FOXN3: variants seen among roughly 807,000 people sequenced by gnomAD.
FOXN3 encodes the protein forkhead box N3.
FOXN3 carries 7 observed loss-of-function variants against 38.4 expected under a neutral mutation model. The ratio of observed to expected loss-of-function variants is 0.18; its 90% CI spans 0.10 to 0.34. The LOEUF (loss-of-function observed/expected upper bound fraction) is 0.34, where lower values mean the gene tolerates loss of function less well. FOXN3 is among the 10% of genes least tolerant of loss of function. The probability of loss-of-function intolerance (pLI) is 1.00; values close to 1 mark genes in which losing one functional copy is unlikely to be tolerated. For synonymous variants in FOXN3, 230 were observed against 242.2 expected, an observed-to-expected ratio of 0.95 and a Z score of 0.47; for missense variants, 456 against 613.4, an observed-to-expected ratio of 0.74 and a Z score of 2.71.
At chr14:89,324,795 C>G (rs2139977327) in intron 3 of FOXN3, among the ~76,000 whole-genome samples, 1 of 152,276 alleles carries the variant, frequency 6.6e-6, no homozygotes, top group Non-Finnish European at 1.5e-5. Context: ...CTGGAAGTCT[C>G]TGGAAAGACA....
chr14:89,468,450 T>C (rs960524066), intron 1 of FOXN3, among the ~76,000 whole-genome samples: 3 of 149,672 alleles, frequency 2.0e-5, no homozygotes, highest in African/African-American at 7.4e-5. Context: ...GAAGGCTGTG[T>C]CTCAAAACAC....
chr14:89,609,263 G>A (rs533097237), intron 1 of FOXN3, among the ~76,000 whole-genome samples: 3 of 152,190 alleles, frequency 2.0e-5, no homozygotes, highest in Non-Finnish European at 2.9e-5. Flanking sequence ...GTGTAGTGGC[G>A]CAATCATGGC....
chr14:89,449,557 G>A (rs1317327380), intron 1 of FOXN3, among the ~76,000 whole-genome samples: 1 of 152,214 alleles, frequency 6.6e-6, no homozygotes, highest in Non-Finnish European at 1.5e-5. Flanking sequence ...AAGTTCTGAA[G>A]TCCATGTTTC....
intron 2 of FOXN3, among the ~76,000 whole-genome samples, chr14:89,394,445 G>C (rs1188019598): frequency 6.6e-6 from 1 of 152,024 alleles, no homozygotes; most frequent in Non-Finnish European, 1.5e-5. Context: ...GACCTCAGGT[G>C]ATCAGCCCAC....
chr14:89,209,056 G>A (rs1888455439), intron 4 of FOXN3, among the ~76,000 whole-genome samples: 1 of 152,136 alleles, frequency 6.6e-6, no homozygotes, highest in African/African-American at 2.4e-5. Flanking sequence ...TACCTTCCAC[G>A]GATATTTGGA....
At position 89,259,503 on chromosome 14, in the gene FOXN3, A is replaced by G. The variant is rs377293338; in HGVS notation, c.745+21447T>C. ...TATATTAATGTTATCCTCTAACTTTATCTTGGGTTTCTTGCCTTTATTTTC... is the reference window on the plus strand; with the variant it reads ...TATATTAATGTTATCCTCTAACTTTGTCTTGGGTTTCTTGCCTTTATTTTC... On this transcript the variant is annotated intron_variant, in intron 4 of 5. Transcript: ENST00000557258. Among the ~76,000 whole-genome samples, 4 of 152,338 alleles carry G rather than the reference A, an allele frequency of 2.6e-5. No individual in the cohort carries two copies. In the East Asian group the frequency reaches 7.7e-4, roughly 29 times the overall value.
chr14:89,360,738 AG>A (rs1889474246), intron 2 of FOXN3, among the ~76,000 whole-genome samples: 1 of 132,586 alleles, frequency 7.5e-6, no homozygotes, highest in South Asian at 2.5e-4. Context: ...CACCACCTCC[AG>A]CACCACCTCC....
chr14:89,467,496 C>A (rs909299080), intron 1 of FOXN3, among the ~76,000 whole-genome samples: 1 of 151,726 alleles, frequency 6.6e-6, no homozygotes. Flanking sequence ...CCACCTAATC[C>A]CCGACATAAA....
chr14:89,322,516 T>G (rs1411267101), intron 3 of FOXN3, among the ~76,000 whole-genome samples: 2 of 152,014 alleles, frequency 1.3e-5, no homozygotes, highest in Non-Finnish European at 2.9e-5. Flanking sequence ...GGACATAGTG[T>G]TCTTGTCTGG....
intron 1 of FOXN3, among the ~76,000 whole-genome samples, chr14:89,618,066 C>T (rs1323377175): frequency 1.3e-5 from 2 of 152,148 alleles, no homozygotes; most frequent in African/African-American, 2.4e-5. Context: ...AAACGATTCC[C>T]TTTTTCCTCA....
chr14:89,407,190 A>C (rs554603384), intron 2 of FOXN3, among the ~76,000 whole-genome samples: 1 of 152,276 alleles, frequency 6.6e-6, no homozygotes, highest in South Asian at 2.1e-4. Context: ...GAGAGAAGCA[A>C]GTTACACGAA....
intron 3 of FOXN3, among the ~76,000 whole-genome samples, chr14:89,341,893 G>A (rs1181258479): frequency 2.0e-5 from 3 of 152,114 alleles, no homozygotes; most frequent in African/African-American, 7.2e-5. Flanking sequence ...CTAAGGCGTC[G>A]CTGTGCTCAG....
intron 1 of FOXN3, among the ~76,000 whole-genome samples, chr14:89,446,390 T>C (rs749113573): frequency 5.3e-4 from 81 of 152,038 alleles, no homozygotes; most frequent in Non-Finnish European, 7.5e-4. Flanking sequence ...GGTTTCACCA[T>C]GTTGGCCAGG....
chr14:89,608,654 C>T (rs1424288015), intron 1 of FOXN3, among the ~76,000 whole-genome samples: 1 of 152,096 alleles, frequency 6.6e-6, no homozygotes, highest in African/African-American at 2.4e-5. Context: ...GGCCACCGAG[C>T]CTAGGGACCC....
At chr14:89,493,450 TTAC>T (rs754253730) in intron 1 of FOXN3, among the ~76,000 whole-genome samples, 38 of 152,272 alleles carry the variant, frequency 2.5e-4, no homozygotes, top group Non-Finnish European at 4.6e-4. Flanking sequence ...AGTCACACAC[TTAC>T]AAAGTCTATC....
intron 1 of FOXN3, among the ~76,000 whole-genome samples, chr14:89,505,997 G>A (rs1232076222): frequency 2.0e-5 from 3 of 150,560 alleles, no homozygotes; most frequent in Non-Finnish European, 3.0e-5. Flanking sequence ...GTCTCCGCCT[G>A]GCAGCCACCC....
At chr14:89,291,900 T>C (rs967133397) in intron 3 of FOXN3, among the ~76,000 whole-genome samples, 2 of 152,188 alleles carry the variant, frequency 1.3e-5, no homozygotes, top group African/African-American at 4.8e-5. Context: ...TAGACACCAG[T>C]GACACCCACC....
chr14:89,245,034 G>A (rs1374014042), intron 4 of FOXN3, among the ~76,000 whole-genome samples: 1 of 152,214 alleles, frequency 6.6e-6, no homozygotes, highest in African/African-American at 2.4e-5. Flanking sequence ...CAGGTGGATG[G>A]AAGTGCTACA....
At chr14:89,421,831 G>C (rs60525173), upstream of FOXN3, among the ~76,000 whole-genome samples, 19,759 of 149,350 alleles carry the variant, frequency 0.13, 1,380 homozygotes, top group South Asian at 0.27. Flanking sequence ...GCTGGGCCCC[G>C]CTATTTTTCA....
Sources: allele counts gnomAD v4.1 joint callset (sites outside exome capture counted in the v4.1 genomes callset), GRCh38; gene constraint gnomAD v4.1.1; transcripts MANE v1.5; gene names NCBI Gene and HGNC (gene_info 2026-07-23, HGNC 2026-07-21).